RBM20: variants seen among roughly 807,000 people sequenced by gnomAD.
The protein encoded by RBM20 is RNA binding motif protein 20.
RBM20 carries 51 observed loss-of-function variants against 110.1 expected under a neutral mutation model. That is an observed-to-expected ratio of 0.46 (90% CI 0.37 to 0.59). RBM20 has a LOEUF of 0.59. RBM20 is among the 20% of genes least tolerant of loss of function. RBM20 has a pLI of 0.00. For missense variants in RBM20, 1,512 were observed against 1,574.9 expected, an observed-to-expected ratio of 0.96 and a Z score of 0.68; for synonymous variants, 589 against 618.2, an observed-to-expected ratio of 0.95 and a Z score of 0.70.
At chr10:110,663,432 C>T (rs1307444097) in intron 1 of RBM20, among the ~76,000 whole-genome samples, 6 of 152,172 alleles carry the variant, frequency 3.9e-5, no homozygotes, top group East Asian at 1.9e-4. Context: ...GCAGAAAAAG[C>T]GGATGGCATG....
chr10:110,784,617 A>G (rs1235347204), intron 4 of RBM20, among the ~76,000 whole-genome samples, 175 bp from the exon 5 acceptor site: 3 of 152,252 alleles, frequency 2.0e-5, no homozygotes, highest in Non-Finnish European at 1.5e-5. Context: ...ATTCTCTGAG[A>G]TACTTGAGAC....
intron 12 of RBM20, 64 bp from the exon 13 acceptor site, chr10:110,830,997 G>A (rs1845043736): frequency 6.8e-7 from 1 of 1,474,382 alleles, no homozygotes; most frequent in African/African-American, 1.4e-5. Context: ...ATGGCTGCCA[G>A]GACACAGGGG....
intron 13 of RBM20, among the ~76,000 whole-genome samples, chr10:110,831,933 C>T (rs140081512): frequency 2.6e-3 from 395 of 152,216 alleles, no homozygotes; most frequent in Middle Eastern, 0.014. Context: ...TTCACCCAGT[C>T]TAAGGTGCCA....
At position 110,812,294 on chromosome 10, in the gene RBM20, C is replaced by A; in HGVS notation, c.1897C>A (p.Pro633Thr). Residue 633 changes from proline to threonine, a missense_variant, in exon 9 of 14, where the codon CCG (proline) becomes ACG (threonine). Coordinates refer to ENST00000369519, the MANE Select transcript of RBM20 (RefSeq NM_001134363.3). The part of the protein sequence containing the change: ...READRYGPER[P>T]RSRSPVSRSL... Reference sequence around the variant, plus strand: ...CCCTCACAGATATGGCCCAGAAAGGCCGCGGTCTCGTAGTCCGGTGAGCCG... The same window carrying A: ...CCCTCACAGATATGGCCCAGAAAGGACGCGGTCTCGTAGTCCGGTGAGCCG... 1 of 1,546,358 alleles carries A rather than the reference C, an allele frequency of 6.5e-7. No individual in the cohort carries two copies. The highest frequency in any genetic ancestry group is 8.7e-7 in the Non-Finnish European group (1 of 1,143,822).
chr10:110,668,778 A>G (rs143826068), intron 1 of RBM20, among the ~76,000 whole-genome samples: 12 of 151,944 alleles, frequency 7.9e-5, no homozygotes, highest in African/African-American at 2.9e-4. Flanking sequence ...GTTGATCCCA[A>G]CTCTTAAGAT....
intron 9 of RBM20, among the ~76,000 whole-genome samples, chr10:110,817,577 G>A (rs376777097): frequency 4.6e-5 from 7 of 152,222 alleles, no homozygotes; most frequent in Admixed American, 1.3e-4. Context: ...CCCTGGGCTC[G>A]TGGAGCTCAT....
At chr10:110,830,826 C>T (rs949551043) in intron 12 of RBM20, among the ~76,000 whole-genome samples, 21 of 152,156 alleles carry the variant, frequency 1.4e-4, no homozygotes, top group African/African-American at 3.9e-4. Context: ...ACCACACCGC[C>T]GAGTCCATCC....
chr10:110,680,033 T>A (rs1862399910), intron 1 of RBM20, among the ~76,000 whole-genome samples: 1 of 152,254 alleles, frequency 6.6e-6, no homozygotes, highest in South Asian at 2.1e-4. Context: ...CAGCACTGTT[T>A]CTAAATGACT....
chr10:110,749,341 A>G (rs1170012973), intron 1 of RBM20, among the ~76,000 whole-genome samples: 2 of 152,222 alleles, frequency 1.3e-5, no homozygotes, highest in African/African-American at 4.8e-5. Flanking sequence ...TTTCTGCCGA[A>G]CTACAGTAAC....
intron 1 of RBM20, among the ~76,000 whole-genome samples, chr10:110,694,034 C>A (rs138485188): frequency 6.6e-6 from 1 of 152,218 alleles, no homozygotes; most frequent in Non-Finnish European, 1.5e-5. Flanking sequence ...AGAGAAGCAA[C>A]CAGCATCAGT....
intron 1 of RBM20, among the ~76,000 whole-genome samples, chr10:110,760,906 A>G (rs1172219458): frequency 6.6e-6 from 1 of 150,894 alleles, no homozygotes; most frequent in Admixed American, 6.6e-5. Context: ...AGCCTGGACA[A>G]TATGGTGAAA....
intron 1 of RBM20, among the ~76,000 whole-genome samples, chr10:110,681,891 T>TG (rs1862427842): frequency 6.6e-6 from 1 of 151,806 alleles, no homozygotes; most frequent in Non-Finnish European, 1.5e-5. Flanking sequence ...CTGCTTTTTT[T>TG]TTTGTTGTTG....
intron 1 of RBM20, among the ~76,000 whole-genome samples, chr10:110,756,886 T>C (rs1843928970): frequency 6.6e-6 from 1 of 152,242 alleles, no homozygotes; most frequent in Non-Finnish European, 1.5e-5. Context: ...AATTGAGTGT[T>C]CTGCAGTGTT....
chr10:110,815,528 G>A (rs1844827138), intron 9 of RBM20, among the ~76,000 whole-genome samples: 1 of 152,192 alleles, frequency 6.6e-6, no homozygotes, highest in Admixed American at 6.5e-5. Context: ...AGTTGCTGGT[G>A]ATGGATGATG....
chr10:110,803,484 G>C (rs1383675680), intron 7 of RBM20, among the ~76,000 whole-genome samples: 1 of 152,162 alleles, frequency 6.6e-6, no homozygotes, highest in East Asian at 1.9e-4. Flanking sequence ...CTTTGATTCA[G>C]CATATCTAGG....
chr10:110,831,338 C>T, intron 13 of RBM20, 156 bp downstream of exon 13: 1 of 679,682 alleles, frequency 1.5e-6, no homozygotes, highest in South Asian at 2.3e-5. Context: ...TCCCCAAGCA[C>T]ACCAGGCTGT....
chr10:110,821,695 G>A lies in RBM20; in HGVS notation c.3076G>A (p.Glu1026Lys), dbSNP rs866975469. ...CTCCCTGGAGGATTCAGATTGCTAC[G>A]AGAAGGAGGCAAAGGGAGTGGAGAG... ...GLSLEDSDCYEKEAKGVESSD... is the reference protein window; with the variant it reads ...GLSLEDSDCYKKEAKGVESSD... The change falls in exon 11 of 14, where the codon GAG (glutamate) becomes AAG (lysine). Residue 1026 changes from glutamate (E) to lysine (K), a missense_variant. By Grantham distance (56) the Glu-to-Lys change is moderately conservative. Around this residue, in one of 3 missense-constraint regions of RBM20, gnomAD observed 358 missense variants for 384.2 expected, o/e 0.93. Transcript: ENST00000369519. 1.9e-5 allele frequency: 30 copies of A among 1,551,664 alleles called. 1 individual carries two copies. Among genetic ancestry groups the A allele is most frequent in the Middle Eastern group, 1.7e-4 (1 of 6,014 alleles).
At chr10:110,760,268 G>A (rs1230317301) in intron 1 of RBM20, among the ~76,000 whole-genome samples, 1 of 152,056 alleles carries the variant, frequency 6.6e-6, no homozygotes, top group Non-Finnish European at 1.5e-5. Flanking sequence ...CCATGCACAT[G>A]TGCATTGCCC....
chr10:110,794,342 AG>A (rs1313747075), intron 5 of RBM20, among the ~76,000 whole-genome samples: 1 of 152,264 alleles, frequency 6.6e-6, no homozygotes, highest in African/African-American at 2.4e-5. Flanking sequence ...TATTGGCAAA[AG>A]AATAGAACAC....
Sources: allele counts gnomAD v4.1 joint callset (sites outside exome capture counted in the v4.1 genomes callset), GRCh38; gene constraint gnomAD v4.1.1; regional missense constraint gnomAD v4.1.1; transcripts MANE v1.5; gene names NCBI Gene and HGNC (gene_info 2026-07-23, HGNC 2026-07-21).